SPOCK3: variants seen among roughly 807,000 people sequenced by gnomAD.
SPOCK3 encodes SPARC (osteonectin), cwcv and kazal like domains proteoglycan 3, also known as testican-3.
Under a neutral mutation model 56.6 loss-of-function variants are expected in SPOCK3, and 30 were observed. The ratio of observed to expected loss-of-function variants is 0.53; its 90% CI spans 0.40 to 0.72. The LOEUF is 0.72. Ranked by LOEUF, SPOCK3 falls within the 30% of genes least tolerant of loss-of-function variation. The probability of loss-of-function intolerance (pLI) is 0.00; values close to 1 mark genes in which losing one functional copy is unlikely to be tolerated. For synonymous variants in SPOCK3, 196 were observed against 183.3 expected, an observed-to-expected ratio of 1.07 and a Z score of -0.56; for missense variants, 527 against 530.0, an observed-to-expected ratio of 0.99 and a Z score of 0.06.
chr4:167,078,270 T>C (rs1027621418), intron 2 of SPOCK3, among the ~76,000 whole-genome samples: 1 of 150,814 alleles, frequency 6.6e-6, no homozygotes, highest in African/African-American at 2.4e-5. Context: ...ACCTATGTAA[T>C]AGGTAAATGT....
At chr4:166,908,999 A>T (rs1736950705) in intron 5 of SPOCK3, among the ~76,000 whole-genome samples, 1 of 152,112 alleles carries the variant, frequency 6.6e-6, no homozygotes, top group South Asian at 2.1e-4. Flanking sequence ...GAATTCAGAG[A>T]ACACTGGTTC....
chr4:166,825,682 T>TA (rs987115686), intron 6 of SPOCK3, among the ~76,000 whole-genome samples: 1 of 151,746 alleles, frequency 6.6e-6, no homozygotes, highest in Non-Finnish European at 1.5e-5. Flanking sequence ...GAATATACCA[T>TA]AAAAAAAGTG....
chr4:166,819,585 G>T (rs1373700151), intron 6 of SPOCK3, among the ~76,000 whole-genome samples: 9 of 151,662 alleles, frequency 5.9e-5, no homozygotes, highest in Non-Finnish European at 1.2e-4. Flanking sequence ...CCTAACAATG[G>T]ACAATCCAAA....
intron 4 of SPOCK3, among the ~76,000 whole-genome samples, chr4:166,967,233 C>T (rs989601149): frequency 3.9e-5 from 6 of 152,250 alleles, no homozygotes; most frequent in Admixed American, 3.9e-4. Flanking sequence ...AGTTGTCTGG[C>T]ACCCGCCTAA....
chr4:166,918,645 AT>A (rs1738157840), intron 4 of SPOCK3, among the ~76,000 whole-genome samples: 1 of 152,152 alleles, frequency 6.6e-6, no homozygotes, highest in African/African-American at 2.4e-5. Context: ...CAAAAAAACA[AT>A]TTTTAAACAT....
chr4:166,981,824 A>G (rs1465308751), intron 4 of SPOCK3, among the ~76,000 whole-genome samples: 1 of 152,080 alleles, frequency 6.6e-6, no homozygotes, highest in Admixed American at 6.6e-5. Flanking sequence ...TGGACTCAGC[A>G]CCCCTGGCCT....
At chr4:166,826,259 C>T (rs1243814036) in intron 6 of SPOCK3, among the ~76,000 whole-genome samples, 3 of 152,012 alleles carry the variant, frequency 2.0e-5, no homozygotes, top group East Asian at 1.9e-4. Flanking sequence ...TGTGTGTTAT[C>T]GTATGTCATC....
chr4:167,213,304 G>A (rs1483430940), intron 2 of SPOCK3, among the ~76,000 whole-genome samples: 3 of 152,058 alleles, frequency 2.0e-5, no homozygotes, highest in Admixed American at 6.6e-5. Context: ...TCTGTGTTAC[G>A]TGGAGCCAGA....
At chr4:167,211,240 C>A (rs759148887) in intron 2 of SPOCK3, among the ~76,000 whole-genome samples, 11 of 152,082 alleles carry the variant, frequency 7.2e-5, no homozygotes, top group Non-Finnish European at 1.3e-4. Context: ...TTTACCCAAT[C>A]CCTGTACCCC....
intron 2 of SPOCK3, among the ~76,000 whole-genome samples, chr4:167,205,381 A>ATATAT (rs565316360): frequency 0.014 from 613 of 42,598 alleles, 13 homozygotes; most frequent in Middle Eastern, 0.037. Context: ...TATATATATA[A>ATATAT]TATATATATT....
At chr4:166,905,177 A>G (rs1419809363) in intron 5 of SPOCK3, among the ~76,000 whole-genome samples, 1 of 152,048 alleles carries the variant, frequency 6.6e-6, no homozygotes, top group African/African-American at 2.4e-5. Flanking sequence ...CAATTACTAC[A>G]AATATTACTA....
At chr4:166,880,790 C>T (rs1245459823) in intron 6 of SPOCK3, among the ~76,000 whole-genome samples, 1 of 152,130 alleles carries the variant, frequency 6.6e-6, no homozygotes, top group East Asian at 1.9e-4. Context: ...ATTTTAATCA[C>T]AATCATTTCA....
Position 167,176,452 on chromosome 4 carries a change from T to C in SPOCK3, c.189+57533A>G, listed in dbSNP as rs1387797148. ...CTTTATAATGTACATTCTATTAGCA[T>C]GCCCATTTTTACCTGAGAATTTCAA... On this transcript the variant is annotated intron_variant, in intron 2 of 10. Transcript: ENST00000357545. 4.3e-4 allele frequency among the ~76,000 whole-genome samples: 66 copies of C among 152,134 alleles called. 1 individual carries two copies. The highest frequency in any genetic ancestry group is 4.3e-3 in the Admixed American group (66 of 15,258).
intron 4 of SPOCK3, among the ~76,000 whole-genome samples, chr4:166,966,579 G>C (rs1341830367): frequency 6.6e-6 from 1 of 152,126 alleles, no homozygotes; most frequent in Non-Finnish European, 1.5e-5. Flanking sequence ...ACATTCTGAA[G>C]TGAAACTGTT....
chr4:167,063,324 C>G (rs1317603514), intron 2 of SPOCK3, among the ~76,000 whole-genome samples: 3 of 151,722 alleles, frequency 2.0e-5, no homozygotes, highest in African/African-American at 7.3e-5. Flanking sequence ...TATAAAATTC[C>G]TCATTAATAT....
At chr4:166,952,106 T>G (rs1742719973) in intron 4 of SPOCK3, among the ~76,000 whole-genome samples, 1 of 152,034 alleles carries the variant, frequency 6.6e-6, no homozygotes, top group Non-Finnish European at 1.5e-5. Context: ...GAGAAGGAAA[T>G]AAAGGGTATT....
At chr4:166,817,247 G>A (rs1297806680) in intron 6 of SPOCK3, among the ~76,000 whole-genome samples, 1 of 152,100 alleles carries the variant, frequency 6.6e-6, no homozygotes, top group Non-Finnish European at 1.5e-5. Flanking sequence ...TTAGGAAACT[G>A]TATCTTTTGT....
chr4:166,936,042 T>C lies in SPOCK3; in HGVS notation c.351-23299A>G, dbSNP rs950990905. ...TAAGACATTTAATCATGAATTAGTATTGAGGGGTATTGAAATTTAATAAAT... is the reference window on the plus strand; with the variant it reads ...TAAGACATTTAATCATGAATTAGTACTGAGGGGTATTGAAATTTAATAAAT... On this transcript the variant is annotated intron_variant, in intron 4 of 10. Coordinates refer to ENST00000357545, the MANE Select transcript of SPOCK3 (RefSeq NM_001040159.2). Among the ~76,000 whole-genome samples the C allele has an allele frequency of 1.8e-4, 28 of 152,188 alleles. 1 individual carries two copies. The highest frequency in any genetic ancestry group is 8.5e-4 in the Admixed American group (13 of 15,280).
chr4:166,837,855 T>C (rs1223860717), intron 6 of SPOCK3, among the ~76,000 whole-genome samples: 1 of 152,162 alleles, frequency 6.6e-6, no homozygotes, highest in Non-Finnish European at 1.5e-5. Context: ...TTATGGAAGC[T>C]GTGGTTGCTA....
Sources: gnomAD v4.1 joint callset for allele counts (sites outside exome capture counted in the v4.1 genomes callset) on GRCh38, gnomAD v4.1.1 for gene constraint, MANE v1.5 for transcripts, NCBI Gene and HGNC (gene_info 2026-07-23, HGNC 2026-07-21) for gene names.